BABAM2: variants seen among roughly 807,000 people sequenced by gnomAD.
BABAM2 encodes BRISC and BRCA1 A complex member 2, also known as BRISC and BRCA1-A complex member 2.
In BABAM2, 31 loss-of-function variants were observed where a neutral mutation model predicts 54.7. The ratio of observed to expected loss-of-function variants is 0.57; its 90% CI spans 0.43 to 0.77. The LOEUF is 0.77. Ranked by LOEUF, BABAM2 falls within the 30% of genes least tolerant of loss-of-function variation. The pLI, the probability that BABAM2 is intolerant of heterozygous loss-of-function variation, is 0.00. For synonymous variants in BABAM2, 167 were observed against 162.9 expected (o/e 1.03, Z -0.19); for missense variants, 364 against 455.8 (o/e 0.80, Z 1.83).
intron 10 of BABAM2, among the ~76,000 whole-genome samples, chr2:28,259,247 C>A (rs957446561): frequency 6.7e-6 from 1 of 150,320 alleles, no homozygotes; most frequent in Non-Finnish European, 1.5e-5. Flanking sequence ...GCCACCACAC[C>A]CAGCTAATTT....
At chr2:28,096,715 T>C (rs1666660650) in intron 6 of BABAM2, among the ~76,000 whole-genome samples, 1 of 152,198 alleles carries the variant, frequency 6.6e-6, no homozygotes, top group South Asian at 2.1e-4. Context: ...TTTCCTCTCT[T>C]CTTACCCTCC....
chr2:28,078,811 A>C (rs539492154), intron 6 of BABAM2, among the ~76,000 whole-genome samples: 2 of 152,306 alleles, frequency 1.3e-5, no homozygotes, highest in South Asian at 4.1e-4. Flanking sequence ...AGAGAAACTG[A>C]GGTGGAACTA....
At chr2:27,915,963 A>G (rs1165317892) in intron 2 of BABAM2, among the ~76,000 whole-genome samples, 3 of 151,808 alleles carry the variant, frequency 2.0e-5, no homozygotes, top group Non-Finnish European at 4.4e-5. Flanking sequence ...ATTCATTCAA[A>G]TTTATTTTTT....
At chr2:28,291,924 G>A (rs1383222738) in intron 10 of BABAM2, among the ~76,000 whole-genome samples, 1 of 152,224 alleles carries the variant, frequency 6.6e-6, no homozygotes, top group Non-Finnish European at 1.5e-5. Flanking sequence ...CCACATTGTG[G>A]GGATAGCCTG....
chr2:28,136,900 G>A (rs1330121946), intron 7 of BABAM2, among the ~76,000 whole-genome samples: 1 of 152,088 alleles, frequency 6.6e-6, no homozygotes, highest in African/African-American at 2.4e-5. Context: ...TTATGAATGA[G>A]TAAGGATATT....
At chr2:28,290,652 C>T (rs1687212605) in intron 10 of BABAM2, among the ~76,000 whole-genome samples, 1 of 152,224 alleles carries the variant, frequency 6.6e-6, no homozygotes, top group Non-Finnish European at 1.5e-5. Flanking sequence ...TCATGGTTCT[C>T]TGCAGTGATT....
intron 6 of BABAM2, among the ~76,000 whole-genome samples, chr2:28,110,019 A>G (rs1667864913): frequency 6.6e-6 from 1 of 152,104 alleles, no homozygotes; most frequent in Admixed American, 6.5e-5. Context: ...CTAAAACTCT[A>G]AACCTGTTAA....
At chr2:27,998,474 T>C (rs1462000858) in intron 4 of BABAM2, among the ~76,000 whole-genome samples, 1 of 148,972 alleles carries the variant, frequency 6.7e-6, no homozygotes, top group Non-Finnish European at 1.5e-5. Context: ...CATTTTTCAG[T>C]TTTTTTTTTA....
chr2:28,307,524 T>C lies in BABAM2; in HGVS notation c.1088+9033T>C, dbSNP rs571262598. 3.8e-4 allele frequency among the ~76,000 whole-genome samples: 58 copies of C among 152,180 alleles called. 1 individual carries two copies. In the South Asian group the frequency reaches 0.012, roughly 31 times the overall value. On this transcript the variant is annotated intron_variant, in intron 11 of 11. Transcript: ENST00000379624. ...AGCTATATTTCTTTGTATATTTTAG[T>C]CATTTATACACTAAAAATACACCGT... is the stretch of plus-strand genomic sequence containing the variant.
intron 10 of BABAM2, among the ~76,000 whole-genome samples, chr2:28,261,366 G>C (rs1274970321): frequency 7.5e-6 from 1 of 133,904 alleles, no homozygotes; most frequent in East Asian, 2.3e-4. Context: ...TTGCTCTGTC[G>C]CCCAGGCTGG....
At chr2:28,092,774 C>T (rs549660623) in intron 6 of BABAM2, among the ~76,000 whole-genome samples, 5 of 151,986 alleles carry the variant, frequency 3.3e-5, no homozygotes, top group Admixed American at 2.6e-4. Context: ...CTCTCTCTCA[C>T]GCTCTCTCTC....
chr2:28,066,748 A>C (rs1663623619), intron 6 of BABAM2, among the ~76,000 whole-genome samples: 2 of 152,170 alleles, frequency 1.3e-5, no homozygotes, highest in Admixed American at 1.3e-4. Flanking sequence ...CTTCTTCCAG[A>C]ACAAGCAATC....
At position 28,093,202 on chromosome 2, in the gene BABAM2, C is replaced by A. The variant is rs528219324; in HGVS notation, c.571-36069C>A. ...AGAGTATTTTTTATGCTCATCCCAA[C>A]AATTCCATGTGGTAGGCAGGACAGA... On this transcript the variant is annotated intron_variant, in intron 6 of 11. Coordinates refer to ENST00000379624, the MANE Select transcript of BABAM2 (RefSeq NM_199191.3). Among the ~76,000 whole-genome samples the A allele has an allele frequency of 2.6e-5, 4 of 152,234 alleles. No individual in the cohort carries two copies. In the South Asian group the frequency reaches 6.2e-4, roughly 24 times the overall value.
At chr2:27,957,553 TA>T (rs567742678) in intron 3 of BABAM2, among the ~76,000 whole-genome samples, 94 of 152,332 alleles carry the variant, frequency 6.2e-4, no homozygotes, top group Non-Finnish European at 1.2e-3. Flanking sequence ...ATTATTTCTT[TA>T]TCTAAGCCTA....
Position 28,335,263 on chromosome 2 carries a change from G to T in BABAM2, c.1089-3187G>T, listed in dbSNP as rs61067541. On this transcript the variant is annotated intron_variant, in intron 11 of 11. Coordinates refer to ENST00000379624, the MANE Select transcript of BABAM2 (RefSeq NM_199191.3). ...TGGCTCACTGCAACCTCCGCCTCCC[G>T]GGTTCAAGCGATTCTCCTGCCTCAG... Among the ~76,000 whole-genome samples, 1,276 of 145,724 alleles carry T rather than the reference G, an allele frequency of 8.8e-3. 17 individuals carry two copies. The highest frequency in any genetic ancestry group is 0.035 in the East Asian group (170 of 4,808).
At chr2:28,015,919 G>A in intron 4 of BABAM2, 1 of 588,016 alleles carries the variant, frequency 1.7e-6, no homozygotes, top group Admixed American at 2.4e-5. Flanking sequence ...GGACTCAGAT[G>A]ATAAAGGTTT....
At chr2:28,199,733 A>G (rs1678048815) in intron 7 of BABAM2, among the ~76,000 whole-genome samples, 1 of 152,158 alleles carries the variant, frequency 6.6e-6, no homozygotes, top group Admixed American at 6.5e-5. Context: ...ATTGGGTTCT[A>G]GGAAGGCAGC....
intron 10 of BABAM2, among the ~76,000 whole-genome samples, chr2:28,271,480 C>A (rs1214560338): frequency 2.0e-5 from 3 of 152,162 alleles, no homozygotes; most frequent in African/African-American, 7.2e-5. Flanking sequence ...TCACAGTCTT[C>A]AAATAATTTC....
chr2:27,896,767 G>A, intron 2 of BABAM2: 2 of 231,510 alleles, frequency 8.6e-6, no homozygotes, highest in South Asian at 1.0e-4. Flanking sequence ...CAGCAACTGG[G>A]CCAGCAGCTT....
Sources: gnomAD v4.1 joint callset for allele counts (sites outside exome capture counted in the v4.1 genomes callset) on GRCh38, gnomAD v4.1.1 for gene constraint, MANE v1.5 for transcripts, NCBI Gene and HGNC (gene_info 2026-07-23, HGNC 2026-07-21) for gene names.